TLL2: variants seen among roughly 807,000 people sequenced by gnomAD.
TLL2 encodes the protein tolloid-like protein 2.
A neutral mutation model predicts 123.0 loss-of-function variants in TLL2; 106 were observed. The ratio of observed to expected loss-of-function variants is 0.86; its 90% CI spans 0.74 to 1.01. TLL2 has a LOEUF of 1.01. Ranked by LOEUF, TLL2 falls within the 50% of genes least tolerant of loss-of-function variation. The pLI, the probability that TLL2 is intolerant of heterozygous loss-of-function variation, is 0.00. For missense variants in TLL2, 1,332 were observed against 1,336.7 expected (o/e 1.00, Z 0.06); for synonymous variants, 494 against 516.8 (o/e 0.96, Z 0.60).
chr10:96,371,445 C>G (rs1353327675), intron 19 of TLL2, among the ~76,000 whole-genome samples: 3 of 152,256 alleles, frequency 2.0e-5, no homozygotes, highest in East Asian at 3.8e-4. Flanking sequence ...CCATGCCCCC[C>G]GAGGGGCCCA....
intron 3 of TLL2, among the ~76,000 whole-genome samples, chr10:96,435,363 C>G (rs1846786805): frequency 6.6e-6 from 1 of 152,112 alleles, no homozygotes; most frequent in African/African-American, 2.4e-5. Flanking sequence ...TTCTAAATAC[C>G]AGGCTCTTGT....
At position 96,401,241 on chromosome 10, in the gene TLL2, G is replaced by A. The variant is rs537695002; in HGVS notation, c.1268-3939C>T. On this transcript the variant is annotated intron_variant, in intron 10 of 20. Coordinates refer to ENST00000357947, the MANE Select transcript of TLL2 (RefSeq NM_012465.4). ...CACACACTGCCCTGGGAAAAAATGCGATGCACAGTTTTCAGAGCAAGATGC... is the reference window on the plus strand; with the variant it reads ...CACACACTGCCCTGGGAAAAAATGCAATGCACAGTTTTCAGAGCAAGATGC... Among the ~76,000 whole-genome samples, 3 of 152,156 alleles carry A rather than the reference G, an allele frequency of 2.0e-5. No individual in the cohort carries two copies. In the South Asian group the frequency reaches 6.2e-4, roughly 32 times the overall value.
intron 2 of TLL2, among the ~76,000 whole-genome samples, chr10:96,465,416 C>T (rs1847119829): frequency 6.6e-6 from 1 of 152,206 alleles, no homozygotes; most frequent in Non-Finnish European, 1.5e-5. Flanking sequence ...CCATGCAAAA[C>T]ACTGAGTGTG....
rs1391245152 is a variant in TLL2 at position 96,380,918 on chromosome 10, G to A, written c.2195-1826C>T. Among the ~76,000 whole-genome samples the A allele has an allele frequency of 2.0e-5, 3 of 149,576 alleles. No individual in the cohort carries two copies. In the South Asian group the frequency reaches 6.5e-4, roughly 32 times the overall value. On this transcript the variant is annotated intron_variant, in intron 16 of 20. Transcript: ENST00000357947. ...CTTGAAGCCAGGAGGCGGAGATTGC[G>A]GTGAGCGGAGATTGCGCCATTGCAC...
chr10:96,465,277 G>T (rs1457952696), intron 2 of TLL2, among the ~76,000 whole-genome samples: 1 of 152,236 alleles, frequency 6.6e-6, no homozygotes, highest in African/African-American at 2.4e-5. Flanking sequence ...GCTGGCATTT[G>T]TCAGTAAAAT....
chr10:96,384,184 C>A (rs999906060), intron 16 of TLL2, among the ~76,000 whole-genome samples: 6 of 152,038 alleles, frequency 3.9e-5, no homozygotes, highest in Non-Finnish European at 7.4e-5. Flanking sequence ...AGACAGAGAT[C>A]AGGATGATGC....
chr10:96,398,674 G>T (rs748004), intron 10 of TLL2, among the ~76,000 whole-genome samples: 54,599 of 151,880 alleles, frequency 0.36, 10,002 homozygotes, highest in Non-Finnish European at 0.38. Flanking sequence ...AGGGCGAGGT[G>T]GGAGATGGGT....
At chr10:96,421,097 C>A (rs751758774) in intron 6 of TLL2, 36 bp from the exon 7 acceptor site, 1 of 1,551,024 alleles carries the variant, frequency 6.4e-7, no homozygotes, top group Admixed American at 1.7e-5. Context: ...CTTTGAAAAC[C>A]AAGTCAGGCA....
chr10:96,438,448 T>C (rs1048045992), intron 3 of TLL2, among the ~76,000 whole-genome samples: 3 of 152,256 alleles, frequency 2.0e-5, no homozygotes, highest in Admixed American at 2.0e-4. Flanking sequence ...TGAGCCATTA[T>C]AGAATTTTAT....
intron 2 of TLL2, among the ~76,000 whole-genome samples, chr10:96,449,281 CCTT>C (rs889715882): frequency 4.6e-5 from 7 of 152,170 alleles, no homozygotes; most frequent in African/African-American, 1.7e-4. Context: ...AGCCTGTACT[CCTT>C]CTCTTCAGCC....
intron 10 of TLL2, among the ~76,000 whole-genome samples, chr10:96,398,044 C>G (rs919262906): frequency 1.3e-5 from 2 of 152,188 alleles, no homozygotes; most frequent in African/African-American, 4.8e-5. Flanking sequence ...TTGTGCCCAC[C>G]CGCCAAGGTC....
At chr10:96,468,348 C>T (rs1589429942) in intron 2 of TLL2, among the ~76,000 whole-genome samples, 1 of 152,196 alleles carries the variant, frequency 6.6e-6, no homozygotes, top group Non-Finnish European at 1.5e-5. Flanking sequence ...GGGATCATGA[C>T]AGAGGCTCCA....
chr10:96,408,570 G>A (rs1846471729), intron 9 of TLL2, among the ~76,000 whole-genome samples: 1 of 152,080 alleles, frequency 6.6e-6, no homozygotes, highest in Non-Finnish European at 1.5e-5. Flanking sequence ...CCCCCTTTCT[G>A]CCTCCCTCCT....
At chr10:96,435,190 C>T (rs7901347) in intron 3 of TLL2, among the ~76,000 whole-genome samples, 7,107 of 151,870 alleles carry the variant, frequency 0.047, 527 homozygotes, top group African/African-American at 0.15. Flanking sequence ...CACCACCACA[C>T]CCAGCTAATT....
At chr10:96,473,049 C>CT (rs373698844) in intron 2 of TLL2, among the ~76,000 whole-genome samples, 5 of 93,894 alleles carry the variant, frequency 5.3e-5, no homozygotes, top group East Asian at 6.0e-4. Context: ...GTTCCATCAG[C>CT]CCCCCCCAAT....
intron 3 of TLL2, among the ~76,000 whole-genome samples, chr10:96,434,924 T>C (rs139518960): frequency 1.8e-3 from 268 of 152,308 alleles, no homozygotes; most frequent in Admixed American, 3.7e-3. Context: ...GATTTTCATT[T>C]CCCCAATGAC....
chr10:96,384,824 C>A, intron 15 of TLL2, 57 bp from the exon 16 acceptor site: 3 of 1,490,578 alleles, frequency 2.0e-6, no homozygotes, highest in Non-Finnish European at 2.7e-6. Flanking sequence ...CCCAGACCCC[C>A]AGCACACTGC....
rs571116859 is a variant in TLL2, at chr10:96,476,410, A to G, written c.286+3939T>C. 2.1e-3 allele frequency among the ~76,000 whole-genome samples: 313 copies of G among 150,378 alleles called. 2 individuals are homozygous for G. Among genetic ancestry groups the G allele is most frequent in the African/African-American group, 7.4e-3 (303 of 40,896 alleles). ...AAAGTAGCTGGGACTATAGGCACCCACCACCATGCCCGGCTAATTTTTGTA... is the reference window on the plus strand; with the variant it reads ...AAAGTAGCTGGGACTATAGGCACCCGCCACCATGCCCGGCTAATTTTTGTA... On this transcript the variant is annotated intron_variant, in intron 2 of 20. Coordinates refer to ENST00000357947, the MANE Select transcript of TLL2 (RefSeq NM_012465.4).
At chr10:96,368,826 G>A (rs889144581) in intron 20 of TLL2, among the ~76,000 whole-genome samples, 2 of 152,198 alleles carry the variant, frequency 1.3e-5, no homozygotes, top group African/African-American at 4.8e-5. Context: ...TGTTGCCTGC[G>A]AGGTTCTAGT....
Sources: gnomAD v4.1 joint callset for allele counts (sites outside exome capture counted in the v4.1 genomes callset) on GRCh38, gnomAD v4.1.1 for gene constraint, MANE v1.5 for transcripts, NCBI Gene and HGNC (gene_info 2026-07-23, HGNC 2026-07-21) for gene names.